Variants in RC3H1 observed in about 807,000 individuals in gnomAD.
RC3H1 encodes ring finger and CCCH-type domains 1, also known as roquin-1.
RC3H1 carries 50 observed loss-of-function variants against 138.2 expected under a neutral mutation model. That is an observed-to-expected ratio of 0.36 (90% CI 0.29 to 0.46). RC3H1 has a LOEUF of 0.46. RC3H1 is among the 20% of genes least tolerant of loss of function. The pLI is 1.00. For synonymous variants in RC3H1, 462 were observed against 489.1 expected (o/e 0.94, Z 0.73); for missense variants, 1,031 against 1,388.1 (o/e 0.74, Z 4.09).
chr1:173,946,391 T>C, intron 17 of RC3H1, 85 bp downstream of exon 17: 1 of 1,293,676 alleles, frequency 7.7e-7, no homozygotes, highest in Non-Finnish European at 1.1e-6. Flanking sequence ...TTAAAGTTTT[T>C]TGTTCACAGT....
intron 18 of RC3H1, 96 bp downstream of exon 18, chr1:173,943,346 T>G: frequency 8.6e-7 from 1 of 1,163,256 alleles, no homozygotes; most frequent in East Asian, 2.6e-5. Flanking sequence ...CTCATCAGAG[T>G]GCCTTGAAGT....
At position 173,955,240 on chromosome 1, in the gene RC3H1, A is replaced by G. The variant is rs1659583978; in HGVS notation, c.2371-3102T>C. On this transcript the variant is annotated intron_variant, in intron 13 of 19. Transcript: ENST00000367696. ...AACTCTGTCACAAAAAAAAAAAAAAAAAAAGAGAAACCACAATCTTCATAC... is the reference window on the plus strand; with the variant it reads ...AACTCTGTCACAAAAAAAAAAAAAAGAAAAGAGAAACCACAATCTTCATAC... Among the ~76,000 whole-genome samples the G allele has an allele frequency of 5.5e-5, 8 of 144,546 alleles. No individual in the cohort carries two copies. In the South Asian group the frequency reaches 1.7e-3, roughly 31 times the overall value. 94.8% of individuals were successfully genotyped at this position (144,546 alleles called of 152,430 possible).
chr1:173,931,195 C>G lies in RC3H1; in HGVS notation c.*7526G>C, dbSNP rs755461029. On this transcript the variant is annotated 3_prime_UTR_variant, in exon 20 of 20. Coordinates refer to ENST00000367696, the MANE Select transcript of RC3H1 (RefSeq NM_172071.4). The stretch of plus-strand genomic sequence containing the variant: ...AGATTAGAATAAGATGGCACACACT[C>G]ATTTACAAAATACACACGTTCCTCA... 1.3e-5 allele frequency: 2 copies of G among 152,218 alleles called. No individual in the cohort carries two copies. Among genetic ancestry groups the G allele is most frequent in the Non-Finnish European group, 2.9e-5 (2 of 68,032 alleles). The allele number at this position is 152,218 out of a possible 1,614,324, so 9.4% of individuals were successfully genotyped here. A position where few individuals can be genotyped will look rare whatever the true frequency, so the allele number is the denominator to read the frequency against.
intron 1 of RC3H1, among the ~76,000 whole-genome samples, chr1:174,014,213 G>A (rs1661818305): frequency 6.6e-6 from 1 of 152,276 alleles, no homozygotes; most frequent in African/African-American, 2.4e-5. Flanking sequence ...GTGAACTATG[G>A]ACTTTAGTTA....
chr1:173,994,180 T>C (rs374072551), intron 1 of RC3H1, among the ~76,000 whole-genome samples: 1 of 151,722 alleles, frequency 6.6e-6, no homozygotes, highest in Admixed American at 6.6e-5. Flanking sequence ...TCACTTGAGG[T>C]TGGGAGTTCA....
chr1:173,986,805 C>A (rs905034922), intron 2 of RC3H1, among the ~76,000 whole-genome samples: 8 of 152,318 alleles, frequency 5.3e-5, no homozygotes, highest in South Asian at 2.1e-4. Context: ...CTCAAGTGAT[C>A]TGCCTGCCTT....
intron 6 of RC3H1, among the ~76,000 whole-genome samples, chr1:173,979,460 A>G (rs898310084): frequency 6.6e-6 from 1 of 152,216 alleles, no homozygotes; most frequent in Non-Finnish European, 1.5e-5. Flanking sequence ...AGCCTGGCCA[A>G]CATGGTGAAA....
Position 173,935,641 on chromosome 1 carries a change from G to A in RC3H1, c.*3080C>T, listed in dbSNP as rs1246623290. The A allele has an allele frequency of 2.6e-5, 4 of 151,954 alleles. No individual in the cohort carries two copies. The highest frequency in any genetic ancestry group is 9.7e-5 in the African/African-American group (4 of 41,404). The allele number at this position is 151,954 out of a possible 1,614,324, so 9.4% of individuals were successfully genotyped here. A position where few individuals can be genotyped will look rare whatever the true frequency, so the allele number is the denominator to read the frequency against. The stretch of plus-strand genomic sequence containing the variant: ...TTTTGATTTTAAAAAAGTAGTTACA[G>A]AGTCAAGCAGTTATGCCCAAATATG... On this transcript the variant is annotated 3_prime_UTR_variant, in exon 20 of 20. Coordinates refer to ENST00000367696, the MANE Select transcript of RC3H1 (RefSeq NM_172071.4).
intron 10 of RC3H1, 86 bp from the exon 11 acceptor site, chr1:173,964,273 G>A (rs141375511): frequency 2.7e-6 from 3 of 1,126,122 alleles, no homozygotes; most frequent in Non-Finnish European, 3.9e-6. Context: ...GCTACAATTT[G>A]GGAAACTCAC....
At chr1:174,016,636 T>C (rs1253963873) in intron 1 of RC3H1, among the ~76,000 whole-genome samples, 1 of 151,642 alleles carries the variant, frequency 6.6e-6, no homozygotes, top group Non-Finnish European at 1.5e-5. Flanking sequence ...AATAACAAAA[T>C]TTTAAATTTT....
rs1276436312 is a variant in RC3H1 at position 173,933,435 on chromosome 1, A to G, written c.*5286T>C. ...GATAGTCTTACTCTTTATTAACACTATAGCTAGTATTACTTATCAATTATA... is the reference window on the plus strand; with the variant it reads ...GATAGTCTTACTCTTTATTAACACTGTAGCTAGTATTACTTATCAATTATA... On this transcript the variant is annotated 3_prime_UTR_variant, in exon 20 of 20. Coordinates refer to ENST00000367696, the MANE Select transcript of RC3H1 (RefSeq NM_172071.4). 6.6e-6 allele frequency: 1 copy of G among 152,114 alleles called. No homozygotes were observed. The highest frequency in any genetic ancestry group is 1.5e-5 in the Non-Finnish European group (1 of 67,972). The allele number at this position is 152,114 out of a possible 1,614,324, so 9.4% of individuals were successfully genotyped here.
At chr1:173,987,750 C>T (rs1345781307) in intron 2 of RC3H1, among the ~76,000 whole-genome samples, 4 of 151,548 alleles carry the variant, frequency 2.6e-5, no homozygotes, top group Non-Finnish European at 5.9e-5. Context: ...TGTAATAACC[C>T]GAGATACACA....
chr1:173,979,693 C>T (rs1484068278), intron 6 of RC3H1, among the ~76,000 whole-genome samples: 1 of 152,150 alleles, frequency 6.6e-6, no homozygotes, highest in East Asian at 1.9e-4. Context: ...AGTTTCTCTT[C>T]AGAGGTAGAA....
intron 1 of RC3H1, among the ~76,000 whole-genome samples, chr1:174,000,944 T>C (rs1033474681): frequency 6.6e-6 from 1 of 152,196 alleles, no homozygotes; most frequent in Non-Finnish European, 1.5e-5. Context: ...TAAAAATACA[T>C]CTTCCCAAAA....
At chr1:173,944,118 C>G (rs1659028242) in intron 17 of RC3H1, among the ~76,000 whole-genome samples, 1 of 149,374 alleles carries the variant, frequency 6.7e-6, no homozygotes, top group East Asian at 2.0e-4. Context: ...CTGCTATGAT[C>G]ATGCCACTGC....
chr1:173,979,176 C>T (rs1660703688), intron 6 of RC3H1, among the ~76,000 whole-genome samples: 1 of 152,198 alleles, frequency 6.6e-6, no homozygotes, highest in African/African-American at 2.4e-5. Flanking sequence ...ACAGAAAGTT[C>T]TATTGCTCTA....
intron 2 of RC3H1, among the ~76,000 whole-genome samples, chr1:173,984,859 C>G (rs1044969683): frequency 6.6e-6 from 1 of 152,166 alleles, no homozygotes; most frequent in African/African-American, 2.4e-5. Context: ...AAAGTACATA[C>G]AATTCCCTGG....
chr1:174,006,040 T>C (rs1661647206), intron 1 of RC3H1, among the ~76,000 whole-genome samples: 1 of 152,084 alleles, frequency 6.6e-6, no homozygotes, highest in Non-Finnish European at 1.5e-5. Flanking sequence ...ACCCCGTCTC[T>C]ACTAAAAATA....
In RC3H1 at chr1:173,938,761, T is replaced by A; in HGVS notation, c.3362A>T (p.Asp1121Val). The change falls in exon 20 of 20, where the codon GAC (aspartate) becomes GTC (valine). Residue 1121 changes from aspartate (D) to valine (V), a missense_variant. Asp to Val is a radical substitution (Grantham distance 152, BLOSUM62 -3). This residue lies in a region of RC3H1 where 716 missense variants were observed against 837.9 expected (regional missense o/e 0.85). Coordinates refer to ENST00000367696, the MANE Select transcript of RC3H1 (RefSeq NM_172071.4). ...EDPEGGGDNN[D>V]SQRSGVTPSS... ...GGGAGTAACTCCTGATCTCTGGGAG[T>A]CATTATTATCCCCTCCTCCCTCAGG... 1.2e-6 allele frequency: 2 copies of A among 1,612,416 alleles called. No homozygotes were observed. The highest frequency in any genetic ancestry group is 8.5e-7 in the Non-Finnish European group (1 of 1,178,958).
Sources: gnomAD v4.1 joint callset for allele counts (sites outside exome capture counted in the v4.1 genomes callset) on GRCh38, gnomAD v4.1.1 for gene constraint, gnomAD v4.1.1 regional missense constraint, MANE v1.5 for transcripts, NCBI Gene and HGNC (gene_info 2026-07-23, HGNC 2026-07-21) for gene names.